PTPRG: variants seen among roughly 807,000 people sequenced by gnomAD.
PTPRG encodes protein tyrosine phosphatase receptor type G.
In PTPRG, 102 loss-of-function variants were observed where a neutral mutation model predicts 165.3. That is an observed-to-expected ratio of 0.62 (90% CI 0.53 to 0.73). The LOEUF is 0.73. PTPRG is among the 30% of genes least tolerant of loss of function. The pLI, the probability that PTPRG is intolerant of heterozygous loss-of-function variation, is 0.00. For synonymous variants in PTPRG, 675 were observed against 669.5 expected, an observed-to-expected ratio of 1.01 and a Z score of -0.13; for missense variants, 1,866 against 1,861.4, an observed-to-expected ratio of 1.00 and a Z score of -0.05.
chr3:61,978,242 C>T (rs2040554936), intron 2 of PTPRG, among the ~76,000 whole-genome samples: 1 of 152,134 alleles, frequency 6.6e-6, no homozygotes, highest in Non-Finnish European at 1.5e-5. Flanking sequence ...TTTTGCTGGT[C>T]ATTTGTCTTT....
chr3:62,205,845 GT>G (rs1297749975), intron 12 of PTPRG, among the ~76,000 whole-genome samples: 1 of 151,950 alleles, frequency 6.6e-6, no homozygotes, highest in East Asian at 1.9e-4. Context: ...CTTGGCTGCA[GT>G]GTTACTTGAT....
At chr3:62,144,666 G>T (rs1309798870) in intron 6 of PTPRG, among the ~76,000 whole-genome samples, 1 of 152,118 alleles carries the variant, frequency 6.6e-6, no homozygotes, top group Non-Finnish European at 1.5e-5. Context: ...GAACACGTTT[G>T]ATCTCAAAAT....
Position 62,242,410 on chromosome 3 carries a change from A to G in PTPRG, c.2376-1397A>G, listed in dbSNP as rs141052582. ...CAAGAGTTGTAGTAACTGACGTTCA[A>G]AATCTCCTAATGGTATGGAGCAGCA... On this transcript the variant is annotated intron_variant, in intron 14 of 29. Transcript: ENST00000474889. Among the ~76,000 whole-genome samples the G allele has an allele frequency of 1.3e-3, 193 of 152,336 alleles. 2 individuals carry two copies. The highest frequency in any genetic ancestry group is 4.3e-3 in the African/African-American group (180 of 41,584).
At chr3:61,647,791 CAAAA>C (rs58020589) in intron 1 of PTPRG, among the ~76,000 whole-genome samples, 62 of 93,174 alleles carry the variant, frequency 6.7e-4, no homozygotes, top group African/African-American at 2.0e-3. Flanking sequence ...GACTCCGTCT[CAAAA>C]AAAAAAAAAA....
intron 4 of PTPRG, among the ~76,000 whole-genome samples, chr3:62,053,266 G>GTTT (rs36000751): frequency 2.1e-4 from 27 of 130,962 alleles, no homozygotes; most frequent in Admixed American, 3.3e-4. Flanking sequence ...ACTGCCTTGG[G>GTTT]TTTTTTTTTT....
At chr3:61,597,286 C>T (rs116438585) in intron 1 of PTPRG, among the ~76,000 whole-genome samples, 2,172 of 152,162 alleles carry the variant, frequency 0.014, 39 homozygotes, top group African/African-American at 0.049. Flanking sequence ...CTGTATTATC[C>T]GCCCTCCATA....
intron 1 of PTPRG, among the ~76,000 whole-genome samples, chr3:61,650,380 AT>A (rs1702318044): frequency 6.6e-6 from 1 of 152,222 alleles, no homozygotes; most frequent in African/African-American, 2.4e-5. Context: ...AATGAGACTC[AT>A]GTTCGAAGAA....
intron 2 of PTPRG, among the ~76,000 whole-genome samples, chr3:61,794,438 T>C (rs1424888126): frequency 6.6e-6 from 1 of 152,222 alleles, no homozygotes; most frequent in African/African-American, 2.4e-5. Flanking sequence ...AAAAATCTGG[T>C]CCCTATGTAA....
chr3:61,891,913 T>C (rs188710996), intron 2 of PTPRG, among the ~76,000 whole-genome samples: 99 of 152,294 alleles, frequency 6.5e-4, no homozygotes, highest in Non-Finnish European at 1.1e-3. Flanking sequence ...TTTCTTTTTT[T>C]TTTTCAGTAA....
chr3:61,795,724 C>T (rs954815217), intron 2 of PTPRG, among the ~76,000 whole-genome samples: 3 of 150,206 alleles, frequency 2.0e-5, no homozygotes, highest in Admixed American at 6.6e-5. Context: ...AATATAGATG[C>T]CTGGTTGGCA....
intron 2 of PTPRG, among the ~76,000 whole-genome samples, chr3:61,762,235 A>G (rs1305978906): frequency 1.3e-5 from 2 of 152,156 alleles, no homozygotes; most frequent in African/African-American, 4.8e-5. Flanking sequence ...CTAATGAGTT[A>G]TCTTTTCTCT....
chr3:61,603,496 CTG>C (rs966389153), intron 1 of PTPRG, among the ~76,000 whole-genome samples: 10 of 152,192 alleles, frequency 6.6e-5, no homozygotes, highest in African/African-American at 2.4e-4. Flanking sequence ...GCCTGAAAAA[CTG>C]TGAGCTCTTT....
intron 12 of PTPRG, among the ~76,000 whole-genome samples, chr3:62,218,649 G>A (rs1247532485): frequency 2.0e-5 from 3 of 152,178 alleles, no homozygotes; most frequent in African/African-American, 7.2e-5. Flanking sequence ...ACAGAATGCA[G>A]CCCATAGAAG....
At chr3:62,030,646 C>G (rs1699738406) in intron 4 of PTPRG, among the ~76,000 whole-genome samples, 1 of 152,106 alleles carries the variant, frequency 6.6e-6, no homozygotes. Context: ...GGAGAGTCAT[C>G]AATCACAAAA....
At chr3:61,756,549 T>TA (rs2033640289) in intron 2 of PTPRG, among the ~76,000 whole-genome samples, 1 of 152,232 alleles carries the variant, frequency 6.6e-6, no homozygotes, top group Non-Finnish European at 1.5e-5. Flanking sequence ...TCTCTCTACT[T>TA]AGAGTTCTTT....
intron 1 of PTPRG, among the ~76,000 whole-genome samples, chr3:61,563,355 G>A (rs1699818009): frequency 6.6e-6 from 1 of 152,124 alleles, no homozygotes; most frequent in Admixed American, 6.5e-5. Context: ...GTAACGGTGT[G>A]CGGCTCGGCG....
chr3:61,941,793 A>G (rs1373151021), intron 2 of PTPRG, among the ~76,000 whole-genome samples: 3 of 152,064 alleles, frequency 2.0e-5, no homozygotes, highest in Non-Finnish European at 4.4e-5. Flanking sequence ...CTATTGGCTT[A>G]TGCTTTGTTT....
chr3:61,887,170 A>ATATATATATTTTTTTT (rs60282456), intron 2 of PTPRG, among the ~76,000 whole-genome samples: 9 of 115,534 alleles, frequency 7.8e-5, no homozygotes, highest in African/African-American at 2.6e-4. Context: ...ATATATATAT[A>ATATATATATTTTTTTT]TTTTTAATGC....
chr3:62,145,377 C>G (rs1704080991), intron 6 of PTPRG, among the ~76,000 whole-genome samples: 1 of 152,172 alleles, frequency 6.6e-6, no homozygotes, highest in Non-Finnish European at 1.5e-5. Context: ...CACTGCCCAT[C>G]ATCATCATTA....
Sources: allele counts gnomAD v4.1 joint callset (sites outside exome capture counted in the v4.1 genomes callset), GRCh38; gene constraint gnomAD v4.1.1; transcripts MANE v1.5; gene names NCBI Gene and HGNC (gene_info 2026-07-23, HGNC 2026-07-21).